The following SAMD3 variants were observed in gnomAD, a reference collection of about 807,000 sequenced individuals.
The protein encoded by SAMD3 is sterile alpha motif domain containing 3.
SAMD3 carries 63 observed loss-of-function variants against 58.5 expected under a neutral mutation model. The observed-to-expected ratio is 1.08, with a 90% CI of 0.88 to 1.33. SAMD3 has a LOEUF of 1.33. Among genes scored for constraint, SAMD3 ranks in the 40% most tolerant of loss-of-function variants. The pLI, the probability that SAMD3 is intolerant of heterozygous loss-of-function variation, is 0.00. For synonymous variants in SAMD3, 220 were observed against 210.3 expected, an observed-to-expected ratio of 1.05 and a Z score of -0.40; for missense variants, 604 against 608.4, an observed-to-expected ratio of 0.99 and a Z score of 0.08.
chr6:130,215,182 A>G lies in SAMD3; in HGVS notation c.79+13T>C, dbSNP rs775286949. On this transcript the variant is annotated intron_variant, in intron 3 of 11. Transcript: ENST00000439090. ...TGCTCAATTAAAATTTTTGGAAAGC[A>G]TAAACAACTCACCTTGAAATCTATG... is the stretch of plus-strand genomic sequence containing the variant. 4.7e-6 allele frequency: 7 copies of G among 1,485,064 alleles called. No individual in the cohort carries two copies. In the East Asian group the frequency reaches 1.4e-4, roughly 29 times the overall value. 92.0% of individuals were successfully genotyped at this position (1,485,064 alleles called of 1,614,324 possible). A position where few individuals can be genotyped will look rare whatever the true frequency, so the allele number is the denominator to read the frequency against.
At position 130,144,608 on chromosome 6, in the gene SAMD3, T is replaced by C; in HGVS notation, c.1475A>G (p.Glu492Gly). 1 of 1,614,136 alleles carries C rather than the reference T, an allele frequency of 6.2e-7. No homozygotes were observed. Among genetic ancestry groups the C allele is most frequent in the Admixed American group, 1.7e-5 (1 of 60,028 alleles). Reference protein sequence around the residue: ...RRLSQTFNFLETLIFDMHSPY... With the variant: ...RRLSQTFNFLGTLIFDMHSPY... ...ACTGTGCATATCGAAAATCAGCGTT[T>C]CTAGGAAGTTGAAAGTTTGGGACAG... Residue 492 changes from glutamate to glycine, a missense_variant, in exon 12 of 12, where the codon GAA becomes GGA. By Grantham distance (98) the Glu-to-Gly change is moderately conservative (BLOSUM62 -2). Coordinates refer to ENST00000439090, the MANE Select transcript of SAMD3 (RefSeq NM_001017373.4).
chr6:130,365,409 C>G, exon 1 of SAMD3: 1 of 985,478 alleles, frequency 1.0e-6, no homozygotes, highest in Non-Finnish European at 1.2e-6. Flanking sequence ...ACGGAGCGGG[C>G]CTTGGCCGCG....
At chr6:130,273,670 T>C (rs952209103) in intron 2 of SAMD3, among the ~76,000 whole-genome samples, 1 of 152,074 alleles carries the variant, frequency 6.6e-6, no homozygotes, top group African/African-American at 2.4e-5. Context: ...GTATGTATTT[T>C]TGTGTGTGGT....
At chr6:130,159,432 A>C (rs1458401482) in intron 8 of SAMD3, 2 of 152,416 alleles carry the variant, frequency 1.3e-5, no homozygotes, top group Non-Finnish European at 2.9e-5. Flanking sequence ...ATACAGAGGT[A>C]CTTTCCATTT....
chr6:130,248,620 C>A lies in SAMD3; in HGVS notation c.-187-25807G>T, dbSNP rs1042729586. Among the ~76,000 whole-genome samples, 6 of 152,118 alleles carry A rather than the reference C, an allele frequency of 3.9e-5. No homozygotes were observed. In the East Asian group the frequency reaches 5.8e-4, roughly 15 times the overall value. ...AGCCTGTCCATCCCCTAGGTCCTTG[C>A]AAGGCCTCAGGAGAAAGAAAAAAGC... is the stretch of plus-strand genomic sequence containing the variant. On this transcript the variant is annotated intron_variant, in intron 2 of 13. Transcript: ENST00000368134.
chr6:130,183,595 A>C, intron 7 of SAMD3: 1 of 343,140 alleles, frequency 2.9e-6, no homozygotes, highest in Non-Finnish European at 5.7e-6. Context: ...TAAAACCCTT[A>C]AGACTCTAAA....
chr6:130,274,398 G>A (rs1196624889), intron 2 of SAMD3, among the ~76,000 whole-genome samples: 1 of 152,146 alleles, frequency 6.6e-6, no homozygotes, highest in African/African-American at 2.4e-5. Context: ...GGGACTGTCT[G>A]GAAAATCCCA....
chr6:130,226,943 T>C (rs550757002), upstream of SAMD3, among the ~76,000 whole-genome samples: 8 of 152,392 alleles, frequency 5.2e-5, no homozygotes, highest in South Asian at 4.1e-4. Flanking sequence ...TTTTTACATT[T>C]AAATAAATTG....
chr6:130,153,865 T>C (rs1330082414), intron 9 of SAMD3, among the ~76,000 whole-genome samples: 1 of 151,450 alleles, frequency 6.6e-6, no homozygotes. Flanking sequence ...TTAGTAGAGA[T>C]GGGGTTTTAC....
intron 1 of SAMD3, among the ~76,000 whole-genome samples, chr6:130,328,301 C>A (rs1273458099): frequency 6.6e-6 from 1 of 152,158 alleles, no homozygotes; most frequent in Non-Finnish European, 1.5e-5. Context: ...TTTGGCCAAA[C>A]AACAGCTCAG....
At chr6:130,276,414 G>T (rs1562494341) in intron 2 of SAMD3, among the ~76,000 whole-genome samples, 1 of 152,090 alleles carries the variant, frequency 6.6e-6, no homozygotes, top group Non-Finnish European at 1.5e-5. Context: ...ACTAAGGTCA[G>T]GTTCTAATAC....
chr6:130,279,485 AC>A (rs1323965688), intron 2 of SAMD3, among the ~76,000 whole-genome samples: 10 of 131,532 alleles, frequency 7.6e-5, no homozygotes, highest in Admixed American at 1.6e-4. Context: ...AATCAATTAA[AC>A]CTTTTTTTTT....
intron 8 of SAMD3, among the ~76,000 whole-genome samples, chr6:130,168,433 A>G (rs1790921424): frequency 6.6e-6 from 1 of 152,108 alleles, no homozygotes; most frequent in African/African-American, 2.4e-5. Flanking sequence ...AACACCACCC[A>G]AAAAAAACAA....
At chr6:130,354,719 G>A (rs1777775683) in intron 1 of SAMD3, among the ~76,000 whole-genome samples, 1 of 152,138 alleles carries the variant, frequency 6.6e-6, no homozygotes, top group Non-Finnish European at 1.5e-5. Flanking sequence ...TAGTACACGG[G>A]TGACAAAATA....
At chr6:130,154,648 C>A (rs866969821) in intron 9 of SAMD3, among the ~76,000 whole-genome samples, 177 bp downstream of exon 9, 2 of 138,962 alleles carry the variant, frequency 1.4e-5, no homozygotes, top group Non-Finnish European at 3.0e-5. Context: ...GAGCTGAGAT[C>A]GCAGGCCATT....
chr6:130,264,150 G>A (rs554447013), intron 2 of SAMD3, among the ~76,000 whole-genome samples: 114 of 152,244 alleles, frequency 7.5e-4, no homozygotes, highest in African/African-American at 1.7e-3. Flanking sequence ...TCCCACTAAG[G>A]TGGTCCTCCA....
At chr6:130,253,087 A>G (rs1000103520) in intron 2 of SAMD3, among the ~76,000 whole-genome samples, 7 of 152,202 alleles carry the variant, frequency 4.6e-5, no homozygotes, top group Admixed American at 1.3e-4. Context: ...AGTGAAGTTC[A>G]GTTCATATTG....
At chr6:130,267,887 C>G (rs1182727738) in intron 2 of SAMD3, among the ~76,000 whole-genome samples, 1 of 152,218 alleles carries the variant, frequency 6.6e-6, no homozygotes. Context: ...AGACAGGAGT[C>G]TTGCTGATGC....
At chr6:130,291,351 C>T (rs1363973609) in intron 2 of SAMD3, among the ~76,000 whole-genome samples, 5 of 152,180 alleles carry the variant, frequency 3.3e-5, no homozygotes, top group Admixed American at 2.0e-4. Flanking sequence ...GTGATCCACT[C>T]GTCTTAGCCT....
Sources: allele counts gnomAD v4.1 joint callset (sites outside exome capture counted in the v4.1 genomes callset), GRCh38; gene constraint gnomAD v4.1.1; transcripts MANE v1.5; gene names NCBI Gene and HGNC (gene_info 2026-07-23, HGNC 2026-07-21).